TRAPPC9: variants seen among roughly 807,000 people sequenced by gnomAD.
The protein encoded by TRAPPC9 is IKK2 binding protein.
A neutral mutation model predicts 124.0 loss-of-function variants in TRAPPC9; 83 were observed. The ratio of observed to expected loss-of-function variants is 0.67; its 90% CI spans 0.56 to 0.80. TRAPPC9 has a LOEUF of 0.80. Among genes scored for constraint, TRAPPC9 ranks in the 30% least tolerant of loss-of-function variants. The probability of loss-of-function intolerance (pLI) is 0.00; values close to 1 mark genes in which losing one functional copy is unlikely to be tolerated. For synonymous variants in TRAPPC9, 638 were observed against 617.5 expected (o/e 1.03, Z -0.49); for missense variants, 1,302 against 1,508.3 (o/e 0.86, Z 2.27).
intron 8 of TRAPPC9, among the ~76,000 whole-genome samples, chr8:140,369,013 G>A (rs375130388): frequency 2.0e-5 from 3 of 152,180 alleles, no homozygotes; most frequent in Non-Finnish European, 2.9e-5. Flanking sequence ...TGTGCGTGCC[G>A]TCCATGGCTG....
chr8:140,440,522 A>G (rs2070975916), intron 2 of TRAPPC9, among the ~76,000 whole-genome samples: 1 of 151,770 alleles, frequency 6.6e-6, no homozygotes, highest in African/African-American at 2.4e-5. Context: ...AGAAAAGAAA[A>G]GAAAGGCATC....
intron 20 of TRAPPC9, among the ~76,000 whole-genome samples, chr8:139,893,278 C>T (rs1348951073): frequency 1.3e-5 from 2 of 152,190 alleles, no homozygotes; most frequent in African/African-American, 4.8e-5. Flanking sequence ...CAGACCTGGA[C>T]GCACCCTGCT....
chr8:140,033,466 T>C (rs1180904046), intron 17 of TRAPPC9, among the ~76,000 whole-genome samples: 4 of 151,940 alleles, frequency 2.6e-5, no homozygotes, highest in African/African-American at 9.7e-5. Flanking sequence ...ACATGGAATA[T>C]CTTTGTAGTC....
At chr8:139,872,295 GGTA>G (rs1828972122) in intron 21 of TRAPPC9, among the ~76,000 whole-genome samples, 1 of 151,260 alleles carries the variant, frequency 6.6e-6, no homozygotes. Flanking sequence ...TGGGCGGGCT[GGTA>G]GATGGGTTGG....
At chr8:139,885,788 T>C (rs1829968156) in intron 21 of TRAPPC9, 91 bp downstream of exon 21, 1 of 1,275,320 alleles carries the variant, frequency 7.8e-7, no homozygotes, top group Non-Finnish European at 1.1e-6. Flanking sequence ...ACATTTGGGG[T>C]GCCCAGCCAC....
intron 15 of TRAPPC9, among the ~76,000 whole-genome samples, chr8:140,258,713 A>G (rs2064327470): frequency 6.6e-6 from 1 of 152,274 alleles, no homozygotes; most frequent in South Asian, 2.1e-4. Flanking sequence ...CGATCCAGTC[A>G]ATCAATTCAG....
intron 20 of TRAPPC9, among the ~76,000 whole-genome samples, chr8:139,896,542 A>G (rs918188723): frequency 7.2e-5 from 11 of 152,360 alleles, no homozygotes; most frequent in African/African-American, 2.6e-4. Flanking sequence ...TCATGGAAAG[A>G]AAAAGAAAGC....
chr8:139,769,880 C>A (rs1377840386), intron 21 of TRAPPC9, among the ~76,000 whole-genome samples: 2 of 152,236 alleles, frequency 1.3e-5, no homozygotes, highest in Non-Finnish European at 2.9e-5. Flanking sequence ...TACTCAGCAT[C>A]TAGGATCTGG....
At chr8:140,348,617 C>T (rs1020165626) in intron 9 of TRAPPC9, among the ~76,000 whole-genome samples, 6 of 151,732 alleles carry the variant, frequency 4.0e-5, no homozygotes, top group Non-Finnish European at 5.9e-5. Context: ...AGAAAGGGAA[C>T]AAAAAAAAGC....
chr8:140,053,175 G>A (rs569940579), intron 17 of TRAPPC9, among the ~76,000 whole-genome samples: 5 of 152,304 alleles, frequency 3.3e-5, no homozygotes, highest in East Asian at 1.9e-4. Context: ...GAGAAAGGAC[G>A]ATGAGACAGA....
In TRAPPC9 at chr8:140,221,002, A is replaced by G. The variant is rs538352625; in HGVS notation, c.2556+457T>C. On this transcript the variant is annotated intron_variant, in intron 17 of 22. Transcript: ENST00000438773. ...CCACCTCTGCTCACTGCTGGCCTAC[A>G]AGCCCGCGGCACGTAGCTTTGCACT... 7.2e-5 allele frequency among the ~76,000 whole-genome samples: 11 copies of G among 152,330 alleles called. No individual in the cohort carries two copies. The South Asian group carries it at 2.3e-3, about 32-fold the overall frequency.
intron 19 of TRAPPC9, among the ~76,000 whole-genome samples, chr8:139,925,675 G>A (rs1159196268): frequency 1.3e-5 from 2 of 151,752 alleles, no homozygotes; most frequent in Admixed American, 6.6e-5. Context: ...TTGAACCTGG[G>A]AGGCAGAGGT....
chr8:140,256,732 C>T (rs1173085870), intron 15 of TRAPPC9, among the ~76,000 whole-genome samples: 1 of 152,110 alleles, frequency 6.6e-6, no homozygotes. Flanking sequence ...ACCTTCCTAG[C>T]TTGCCATTGG....
At chr8:140,295,724 G>A (rs1196542837) in intron 11 of TRAPPC9, among the ~76,000 whole-genome samples, 4 of 152,200 alleles carry the variant, frequency 2.6e-5, no homozygotes, top group Admixed American at 6.5e-5. Context: ...GCCACCTGCT[G>A]TGATGATACC....
chr8:140,119,349 C>A (rs2060944776), intron 17 of TRAPPC9, among the ~76,000 whole-genome samples: 1 of 152,210 alleles, frequency 6.6e-6, no homozygotes, highest in South Asian at 2.1e-4. Context: ...AACAGAAGTC[C>A]TTTCAGGATG....
At chr8:140,125,256 C>A (rs1392894847) in intron 17 of TRAPPC9, among the ~76,000 whole-genome samples, 1 of 152,130 alleles carries the variant, frequency 6.6e-6, no homozygotes, top group Non-Finnish European at 1.5e-5. Flanking sequence ...TCGGAGGGAA[C>A]CACCAAGCTG....
intron 21 of TRAPPC9, among the ~76,000 whole-genome samples, chr8:139,876,051 C>G (rs1167678227): frequency 4.6e-5 from 7 of 152,240 alleles, no homozygotes; most frequent in Non-Finnish European, 1.0e-4. Context: ...GCAGTCTGAG[C>G]TCTGAATGTA....
intron 17 of TRAPPC9, among the ~76,000 whole-genome samples, chr8:140,128,664 T>C (rs1457394560): frequency 1.3e-5 from 2 of 152,196 alleles, no homozygotes; most frequent in Non-Finnish European, 2.9e-5. Context: ...GCTACACTTT[T>C]CAAGAGAAAA....
intron 18 of TRAPPC9, among the ~76,000 whole-genome samples, chr8:140,016,082 A>G (rs1037938288): frequency 2.6e-5 from 4 of 152,084 alleles, no homozygotes; most frequent in African/African-American, 9.7e-5. Context: ...AATTAGTACA[A>G]CGTTTCATTT....
Sources: gnomAD v4.1 joint callset for allele counts (sites outside exome capture counted in the v4.1 genomes callset) on GRCh38, gnomAD v4.1.1 for gene constraint, MANE v1.5 for transcripts, NCBI Gene and HGNC (gene_info 2026-07-23, HGNC 2026-07-21) for gene names.